Variants in PTPRR observed in about 807,000 individuals in gnomAD.
PTPRR encodes protein tyrosine phosphatase receptor type R, also known as receptor-type tyrosine-protein phosphatase R.
Under a neutral mutation model 77.2 loss-of-function variants are expected in PTPRR, and 38 were observed. The ratio of observed to expected loss-of-function variants is 0.49; its 90% CI spans 0.38 to 0.65. The LOEUF (loss-of-function observed/expected upper bound fraction) is 0.65. Among genes scored for constraint, PTPRR ranks in the 30% least tolerant of loss-of-function variants. The probability of loss-of-function intolerance (pLI) is 0.00; values close to 1 mark genes in which losing one functional copy is unlikely to be tolerated. For missense variants in PTPRR, 744 were observed against 799.2 expected (o/e 0.93, Z 0.83); for synonymous variants, 299 against 283.1 (o/e 1.06, Z -0.57).
chr12:70,679,513 A>G (rs1270440295), intron 10 of PTPRR, among the ~76,000 whole-genome samples: 1 of 152,164 alleles, frequency 6.6e-6, no homozygotes, highest in African/African-American at 2.4e-5. Context: ...TTATTACTAT[A>G]TAGCAGTCTA....
intron 2 of PTPRR, among the ~76,000 whole-genome samples, chr12:70,792,870 C>T: frequency 6.6e-6 from 1 of 152,210 alleles, no homozygotes; most frequent in East Asian, 1.9e-4. Context: ...CCTGTCAGAG[C>T]AACATTAATT....
intron 2 of PTPRR, among the ~76,000 whole-genome samples, chr12:70,786,837 A>C (rs1393778344): frequency 6.6e-6 from 1 of 152,196 alleles, no homozygotes; most frequent in Admixed American, 6.5e-5. Flanking sequence ...TAAAAACTCT[A>C]TGATTTAATG....
chr12:70,771,268 C>G (rs562528155), intron 2 of PTPRR, among the ~76,000 whole-genome samples: 1 of 151,920 alleles, frequency 6.6e-6, no homozygotes, highest in Non-Finnish European at 1.5e-5. Flanking sequence ...TGCAGCCAGA[C>G]CATTATCCCA....
At chr12:70,732,666 T>C (rs1268905820) in intron 6 of PTPRR, among the ~76,000 whole-genome samples, 1 of 152,158 alleles carries the variant, frequency 6.6e-6, no homozygotes, top group African/African-American at 2.4e-5. Context: ...GTTCAAGCAA[T>C]TATACTGCCT....
At chr12:70,901,994 A>C (rs1359902145) in intron 1 of PTPRR, among the ~76,000 whole-genome samples, 2 of 151,950 alleles carry the variant, frequency 1.3e-5, no homozygotes, top group African/African-American at 4.8e-5. Flanking sequence ...CCATAAAAAA[A>C]GTGGGCTAAA....
rs1890890796 is a variant in PTPRR at position 70,768,692 on chromosome 12, C to A, written c.358-3914G>T. Among the ~76,000 whole-genome samples, 3 of 152,062 alleles carry A rather than the reference C, an allele frequency of 2.0e-5. No individual in the cohort carries two copies. In the South Asian group the frequency reaches 6.2e-4, roughly 32 times the overall value. ...GCATCATCCTGATACCAAAGCCGGG[C>A]AGAGATACAACAAAAAAAGAGAATT... On this transcript the variant is annotated intron_variant, in intron 2 of 13. Transcript: ENST00000283228.
intron 6 of PTPRR, among the ~76,000 whole-genome samples, chr12:70,729,369 TA>T (rs1889575521): frequency 6.6e-6 from 1 of 151,602 alleles, no homozygotes; most frequent in African/African-American, 2.4e-5. Context: ...TCTATCTGAG[TA>T]TCATCTTTCC....
chr12:70,759,434 T>C (rs920404912), intron 4 of PTPRR, among the ~76,000 whole-genome samples: 1 of 152,070 alleles, frequency 6.6e-6, no homozygotes, highest in Non-Finnish European at 1.5e-5. Context: ...CATCTTCGTC[T>C]GTGGAGGTAC....
chr12:70,812,944 C>T (rs997638775), intron 2 of PTPRR, among the ~76,000 whole-genome samples: 1 of 152,190 alleles, frequency 6.6e-6, no homozygotes, highest in Non-Finnish European at 1.5e-5. Flanking sequence ...AGCTATTCTG[C>T]TTTCTGAAAA....
intron 2 of PTPRR, among the ~76,000 whole-genome samples, chr12:70,854,241 C>T (rs919417955): frequency 2.6e-5 from 4 of 152,144 alleles, no homozygotes. Context: ...CTGTGTGTCA[C>T]TGAGCAATAT....
intron 2 of PTPRR, among the ~76,000 whole-genome samples, chr12:70,856,170 C>T (rs941250804): frequency 1.3e-5 from 2 of 152,150 alleles, no homozygotes; most frequent in Non-Finnish European, 2.9e-5. Flanking sequence ...CACTTAAATG[C>T]CATCCACTAC....
At position 70,794,745 on chromosome 12, in the gene PTPRR, C is replaced by G. The variant is rs370678872; in HGVS notation, c.358-29967G>C. Reference sequence around the variant, plus strand: ...CCAGCAGCAATCAGAGAACAGTGTCCTTGGTGCAGATATCAATGACATCAG... The same window carrying G: ...CCAGCAGCAATCAGAGAACAGTGTCGTTGGTGCAGATATCAATGACATCAG... On this transcript the variant is annotated intron_variant, in intron 2 of 13. Transcript: ENST00000283228. 2.2e-4 allele frequency among the ~76,000 whole-genome samples: 34 copies of G among 152,250 alleles called. No individual in the cohort carries two copies. In the East Asian group the frequency reaches 5.2e-3, roughly 23 times the overall value.
chr12:70,788,994 G>A (rs1042034417), intron 2 of PTPRR: 2 of 868,674 alleles, frequency 2.3e-6, no homozygotes, highest in Non-Finnish European at 3.3e-6. Context: ...TAGAGACACT[G>A]CGGATCCCAG....
intron 13 of PTPRR, among the ~76,000 whole-genome samples, chr12:70,652,259 G>T (rs988794306): frequency 1.3e-5 from 2 of 152,150 alleles, no homozygotes; most frequent in Non-Finnish European, 2.9e-5. Flanking sequence ...TTAAAATGAG[G>T]TATGATAGGA....
chr12:70,776,479 T>G (rs1332790910), intron 2 of PTPRR, among the ~76,000 whole-genome samples: 1 of 152,154 alleles, frequency 6.6e-6, no homozygotes, highest in Non-Finnish European at 1.5e-5. Flanking sequence ...CTGTTCAAAA[T>G]ACTCTGAAAA....
intron 6 of PTPRR, among the ~76,000 whole-genome samples, chr12:70,733,378 T>C (rs936099218): frequency 7.4e-6 from 1 of 135,222 alleles, no homozygotes; most frequent in African/African-American, 2.9e-5. Context: ...GATTATGCCT[T>C]ACCCGCCAGA....
In PTPRR at chr12:70,746,166, C is replaced by A. The variant is rs1383408743; in HGVS notation, c.739-80G>T. The A allele has an allele frequency of 7.6e-6, 10 of 1,324,306 alleles. No individual in the cohort carries two copies. The East Asian group carries it at 2.2e-4, about 29-fold the overall frequency. 82.0% of individuals were successfully genotyped at this position (1,324,306 alleles called of 1,614,324 possible). A position where few individuals can be genotyped will look rare whatever the true frequency, so the allele number is the denominator to read the frequency against. On this transcript the variant is annotated intron_variant, in intron 5 of 13. Coordinates refer to ENST00000283228, the MANE Select transcript of PTPRR (RefSeq NM_002849.4). ...TATGATCTCCTCCACCCCACCCTGG[C>A]CGACAAACCAAAATAAAGGCTTAAC...
At chr12:70,669,599 C>T (rs901714970) in intron 10 of PTPRR, among the ~76,000 whole-genome samples, 1 of 145,972 alleles carries the variant, frequency 6.9e-6, no homozygotes, top group East Asian at 2.0e-4. Flanking sequence ...AGCTTGCACA[C>T]TGTCAGCCAG....
chr12:70,769,402 C>T (rs1361817485), intron 2 of PTPRR, among the ~76,000 whole-genome samples: 1 of 152,030 alleles, frequency 6.6e-6, no homozygotes, highest in Non-Finnish European at 1.5e-5. Context: ...AGTGAACTCC[C>T]ATTCACAATT....
Sources: gnomAD v4.1 joint callset for allele counts (sites outside exome capture counted in the v4.1 genomes callset) on GRCh38, gnomAD v4.1.1 for gene constraint, MANE v1.5 for transcripts, NCBI Gene and HGNC (gene_info 2026-07-23, HGNC 2026-07-21) for gene names.